Variants in RAP1GAP2 observed in about 807,000 individuals in gnomAD.
RAP1GAP2 encodes the protein RAP1 GTPase activating protein 2.
RAP1GAP2 carries 27 observed loss-of-function variants against 95.0 expected under a neutral mutation model. That is an observed-to-expected ratio of 0.28 (90% CI 0.21 to 0.39). The LOEUF is 0.39. Ranked by LOEUF, RAP1GAP2 falls within the 10% of genes least tolerant of loss-of-function variation. The probability of loss-of-function intolerance (pLI) is 1.00; values close to 1 mark genes in which losing one functional copy is unlikely to be tolerated. For missense variants in RAP1GAP2, 771 were observed against 970.0 expected (o/e 0.79, Z 2.72); for synonymous variants, 373 against 380.9 (o/e 0.98, Z 0.24).
At chr17:2,893,484 T>C (rs982126350) in intron 2 of RAP1GAP2, among the ~76,000 whole-genome samples, 11 of 152,236 alleles carry the variant, frequency 7.2e-5, no homozygotes, top group African/African-American at 2.7e-4. Flanking sequence ...TACATAGTTA[T>C]CACTGCTGAA....
chr17:2,785,462 A>C (rs2068750524), intron 1 of RAP1GAP2, among the ~76,000 whole-genome samples: 2 of 151,886 alleles, frequency 1.3e-5, no homozygotes, highest in Non-Finnish European at 2.9e-5. Context: ...CGGCCCTAGG[A>C]GTTAAAAAAA....
intron 19 of RAP1GAP2, 79 bp downstream of exon 19, chr17:3,020,674 C>T (rs1334930908): frequency 4.6e-6 from 6 of 1,307,098 alleles, no homozygotes; most frequent in Non-Finnish European, 6.5e-6. Context: ...TGTTCAGTGC[C>T]CTACCTTGCA....
At chr17:2,946,774 A>T (rs2043710661) in intron 3 of RAP1GAP2, among the ~76,000 whole-genome samples, 1 of 152,130 alleles carries the variant, frequency 6.6e-6, no homozygotes, top group African/African-American at 2.4e-5. Flanking sequence ...TTTATTTTTG[A>T]GACAGAGTTT....
chr17:3,021,114 C>A (rs1411075885), intron 19 of RAP1GAP2, among the ~76,000 whole-genome samples: 1 of 152,140 alleles, frequency 6.6e-6, no homozygotes, highest in Non-Finnish European at 1.5e-5. Context: ...TGATAAAATG[C>A]ATAATGATCA....
intron 3 of RAP1GAP2, among the ~76,000 whole-genome samples, chr17:2,950,994 G>A (rs528557780): frequency 2.0e-5 from 3 of 152,302 alleles, no homozygotes; most frequent in Non-Finnish European, 4.4e-5. Flanking sequence ...GCAGTAGCAG[G>A]TTGCCCACTC....
At chr17:2,791,734 C>T (rs2068929599), upstream of RAP1GAP2, among the ~76,000 whole-genome samples, 1 of 152,156 alleles carries the variant, frequency 6.6e-6, no homozygotes, top group African/African-American at 2.4e-5. Flanking sequence ...CTCTTGTGCC[C>T]GCAGCTCATC....
At chr17:3,026,278 C>T (rs1196282540) in intron 20 of RAP1GAP2, 72 bp from the exon 21 acceptor site, 22 of 1,402,924 alleles carry the variant, frequency 1.6e-5, no homozygotes, top group Non-Finnish European at 1.5e-5. Flanking sequence ...CGCCAGAGGT[C>T]CCGGGGAGGA....
chr17:2,764,588 G>T (rs962005976), intron 1 of RAP1GAP2, among the ~76,000 whole-genome samples: 4 of 151,826 alleles, frequency 2.6e-5, no homozygotes, highest in African/African-American at 9.7e-5. Context: ...GGGTGTGGTG[G>T]CAGGCACCTA....
intron 16 of RAP1GAP2, among the ~76,000 whole-genome samples, 186 bp downstream of exon 16, chr17:3,006,227 C>G (rs893412118): frequency 1.3e-5 from 2 of 150,254 alleles, no homozygotes; most frequent in Non-Finnish European, 3.0e-5. Flanking sequence ...CTCCCGGGCT[C>G]AAGTGATTCT....
chr17:2,887,131 C>T (rs757806230), intron 2 of RAP1GAP2, among the ~76,000 whole-genome samples: 1 of 151,200 alleles, frequency 6.6e-6, no homozygotes, highest in Non-Finnish European at 1.5e-5. Flanking sequence ...AGTGCAGTGG[C>T]GCATTGCACT....
At chr17:2,969,496 CTTT>C (rs34468461) in intron 8 of RAP1GAP2, among the ~76,000 whole-genome samples, 7 of 83,778 alleles carry the variant, frequency 8.4e-5, no homozygotes, top group African/African-American at 2.7e-4. Flanking sequence ...TATATATATT[CTTT>C]TTTTTTTTTT....
chr17:2,864,637 C>A (rs1044409633), intron 2 of RAP1GAP2, among the ~76,000 whole-genome samples: 2 of 152,156 alleles, frequency 1.3e-5, no homozygotes, highest in Admixed American at 6.5e-5. Flanking sequence ...CTGGGTGTAA[C>A]CCTGTGAACA....
chr17:2,895,378 C>T (rs1056565497), intron 2 of RAP1GAP2, among the ~76,000 whole-genome samples: 1 of 152,204 alleles, frequency 6.6e-6, no homozygotes, highest in African/African-American at 2.4e-5. Flanking sequence ...TGGGGCCAAG[C>T]CTGCGCCCAA....
At chr17:2,927,405 G>A (rs552955642) in intron 3 of RAP1GAP2, among the ~76,000 whole-genome samples, 34 of 151,666 alleles carry the variant, frequency 2.2e-4, no homozygotes, top group South Asian at 1.0e-3. Context: ...CGCCCGCCTT[G>A]GCCTCCCAAA....
Position 2,963,449 on chromosome 17 carries a change from C to A in RAP1GAP2, c.266C>A (p.Pro89His), listed in dbSNP as rs1181392941. 6.2e-7 allele frequency: 1 copy of A among 1,613,868 alleles called. No individual in the cohort carries two copies. The highest frequency in any genetic ancestry group is 2.2e-5 in the East Asian group (1 of 44,874). ...TTGCAGGACGACTATATCCCATACCCCAGCATCGACGAGGTAGGTGCCCTC... is the reference window on the plus strand; with the variant it reads ...TTGCAGGACGACTATATCCCATACCACAGCATCGACGAGGTAGGTGCCCTC... The part of the protein sequence containing the change: ...QKNKDDYIPY[P>H]SIDEVVEKGG... Residue 89 changes from proline (P) to histidine (H), a missense_variant, in exon 6 of 25, where the codon CCC (proline) becomes CAC (histidine). Pro to His is a moderately conservative substitution (Grantham distance 77, BLOSUM62 -2). Coordinates refer to ENST00000254695, the MANE Select transcript of RAP1GAP2 (RefSeq NM_015085.5). This position sits in a 1 kb window ranked among gnomAD's most constrained non-coding sequence, Gnocchi z 4.8.
At chr17:2,862,638 C>G (rs970617971) in intron 2 of RAP1GAP2, among the ~76,000 whole-genome samples, 2 of 152,008 alleles carry the variant, frequency 1.3e-5, no homozygotes, top group African/African-American at 4.8e-5. Context: ...TTAATAGCTA[C>G]TTTAAGAAAT....
At chr17:2,821,064 G>C (rs1469634540) in intron 2 of RAP1GAP2, among the ~76,000 whole-genome samples, 1 of 151,676 alleles carries the variant, frequency 6.6e-6, no homozygotes, top group Admixed American at 6.6e-5. Context: ...ATACAAACAT[G>C]AACAGATCTC....
intron 5 of RAP1GAP2, 184 bp downstream of exon 5, chr17:2,962,898 C>T: frequency 3.3e-6 from 2 of 614,574 alleles, no homozygotes; most frequent in Non-Finnish European, 5.5e-6. Context: ...CAGAGGGGTC[C>T]TGGCTTGATG....
intron 2 of RAP1GAP2, chr17:2,854,069 T>G: frequency 1.0e-6 from 1 of 985,340 alleles, no homozygotes; most frequent in Non-Finnish European, 1.2e-6. Flanking sequence ...ATCGGACTCC[T>G]GCACAAATCC....
Sources: allele counts gnomAD v4.1 joint callset (sites outside exome capture counted in the v4.1 genomes callset), GRCh38; gene constraint gnomAD v4.1.1; non-coding constraint Gnocchi (gnomAD v3.1); transcripts MANE v1.5; gene names NCBI Gene and HGNC (gene_info 2026-07-23, HGNC 2026-07-21).